CELSR1: variants seen among roughly 807,000 people sequenced by gnomAD.
CELSR1 encodes cadherin EGF LAG seven-pass G-type receptor 1.
CELSR1 carries 110 observed loss-of-function variants against 249.1 expected under a neutral mutation model. That is an observed-to-expected ratio of 0.44 (90% confidence interval 0.38 to 0.52). The LOEUF is 0.52. Ranked by LOEUF, CELSR1 falls within the 20% of genes least tolerant of loss-of-function variation. The pLI is 0.00. For missense variants in CELSR1, 4,109 were observed against 4,296.4 expected, an observed-to-expected ratio of 0.96 and a Z score of 1.22; for synonymous variants, 2,113 against 1,900.0, an observed-to-expected ratio of 1.11 and a Z score of -2.92.
At position 46,380,729 on chromosome 22, in the gene CELSR1, C is replaced by T. The variant is rs941668742; in HGVS notation, c.7256+59G>A. 6.3e-6 allele frequency: 10 copies of T among 1,582,866 alleles called. No homozygotes were observed. In the African/African-American group the frequency reaches 1.3e-4, roughly 21 times the overall value. On this transcript the variant is annotated intron_variant, in intron 22 of 34. Coordinates refer to ENST00000674500, the MANE Select transcript of CELSR1 (RefSeq NM_001378328.1). This position sits in a 1 kb window ranked among gnomAD's most constrained non-coding sequence, Gnocchi z 5.1. The stretch of plus-strand genomic sequence containing the variant: ...GCGCTCTGCCACTGAGCCCCCGACC[C>T]TGCGGGGGCACTCTGCCTTGGCAAA...
intron 1 of CELSR1, chr22:46,481,776 T>G: frequency 2.5e-6 from 1 of 399,628 alleles, no homozygotes; most frequent in South Asian, 4.0e-5. Context: ...ATTTGAACTT[T>G]TCTAAATCTT....
In CELSR1 at chr22:46,374,695, TCCC is replaced by T. The variant is rs1308895920; in HGVS notation, c.7585-1641_7585-1639del. Among the ~76,000 whole-genome samples, 1 of 152,032 alleles carries T rather than the reference TCCC, an allele frequency of 6.6e-6. No homozygotes were observed. The highest frequency in any genetic ancestry group is 2.4e-5 in the African/African-American group (1 of 41,380). On this transcript the variant is annotated intron_variant, in intron 24 of 34. Coordinates refer to ENST00000674500, the MANE Select transcript of CELSR1 (RefSeq NM_001378328.1). The surrounding 1 kb of genome is among the most constrained non-coding windows in gnomAD (Gnocchi z 4.3). ...GGAGTGGCCTGCACCGACTCCCCTCTCCCCCATTCACGCCACTCAAAAGCACAC... is the reference window on the plus strand; with the variant it reads ...GGAGTGGCCTGCACCGACTCCCCTCTCCATTCACGCCACTCAAAAGCACAC...
Position 46,401,704 on chromosome 22 carries a change from C to A in CELSR1, c.5227-1802G>T, listed in dbSNP as rs747414845. Reference sequence around the variant, plus strand: ...ATTAAAAACTGGGGTTCATGGACTGCCAAGGGTTGTTCCTTGGCTTCTGGT... The same window carrying A: ...ATTAAAAACTGGGGTTCATGGACTGACAAGGGTTGTTCCTTGGCTTCTGGT... On this transcript the variant is annotated intron_variant, in intron 9 of 34. Transcript: ENST00000674500. This position sits in a 1 kb window ranked among gnomAD's most constrained non-coding sequence, Gnocchi z 4.7. 1.2e-4 allele frequency among the ~76,000 whole-genome samples: 18 copies of A among 152,168 alleles called. No homozygotes were observed. Among genetic ancestry groups the A allele is most frequent in the Non-Finnish European group, 2.6e-4 (18 of 68,034 alleles).
At chr22:46,503,431 T>G (rs921959949) in intron 1 of CELSR1, among the ~76,000 whole-genome samples, 5 of 152,138 alleles carry the variant, frequency 3.3e-5, no homozygotes, top group Admixed American at 6.5e-5. Context: ...CCCATGGTGG[T>G]GAGGACACAG....
rs5768797 is a variant in CELSR1 at position 46,468,926 on chromosome 22, G to A, written c.3545-4581C>T. Among the ~76,000 whole-genome samples, 72,565 of 151,554 alleles carry A rather than the reference G, an allele frequency of 0.48. 17,577 individuals are homozygous for A. Among genetic ancestry groups the A allele is most frequent in the African/African-American group, 0.54 (22,289 of 41,294 alleles). ...CCTGTCTCTACTAAAAATACAAAAA[G>A]CTAGTTGGGCGTGGTGGCACGTGCC... On this transcript the variant is annotated intron_variant, in intron 1 of 34. Coordinates refer to ENST00000674500, the MANE Select transcript of CELSR1 (RefSeq NM_001378328.1). The surrounding 1 kb of genome is among the most constrained non-coding windows in gnomAD (Gnocchi z 4.5).
At chr22:46,456,530 G>A (rs911339963) in intron 2 of CELSR1, among the ~76,000 whole-genome samples, 1 of 151,948 alleles carries the variant, frequency 6.6e-6, no homozygotes, top group Admixed American at 6.6e-5. Context: ...AGGCGTGGTG[G>A]TGGGCACCTG....
Position 46,473,162 on chromosome 22 carries a change from G to T in CELSR1, c.3545-8817C>A, listed in dbSNP as rs3788705. Among the ~76,000 whole-genome samples, 61,394 of 151,766 alleles carry T rather than the reference G, an allele frequency of 0.4. 12,597 individuals carry two copies. The highest frequency in any genetic ancestry group is 0.56 in the East Asian group (2,893 of 5,128). On this transcript the variant is annotated intron_variant, in intron 1 of 34. Transcript: ENST00000674500. The surrounding 1 kb of genome is among the most constrained non-coding windows in gnomAD (Gnocchi z 6.6). ...GCTGAAGGAGAAATGTCCGCAGAGG[G>T]GTGGACAGGACCCACGCACCACGAG...
At position 46,372,937 on chromosome 22, in the gene CELSR1, C is replaced by T. The variant is rs776128057; in HGVS notation, c.7705G>A (p.Gly2569Arg). ...ACGACGTAGTAGAACCGCATGGGCC[C>T]CGTGTCGATGTTGCGCACCTCGGTC... is the stretch of plus-strand genomic sequence containing the variant. ...MLTEVRNIDT[G>R]PMRFYYVVGW... is the part of the protein sequence containing the mutation. The change falls in exon 25 of 35, where the codon GGG becomes AGG. Residue 2569 changes from glycine to arginine, a missense_variant. Physicochemically the swap from Gly to Arg is moderately radical, Grantham distance 125. Coordinates refer to ENST00000674500, the MANE Select transcript of CELSR1 (RefSeq NM_001378328.1). 1 of 1,613,316 alleles carries T rather than the reference C, an allele frequency of 6.2e-7. No homozygotes were observed. Among genetic ancestry groups the T allele is most frequent in the Non-Finnish European group, 8.5e-7 (1 of 1,179,840 alleles).
chr22:46,432,492 C>A (rs2079607678), intron 5 of CELSR1, among the ~76,000 whole-genome samples: 1 of 152,204 alleles, frequency 6.6e-6, no homozygotes, highest in Admixed American at 6.5e-5. Flanking sequence ...GCCGGTAAGA[C>A]CCACGCAGAC....
At chr22:46,400,722 C>T (rs1421907754) in intron 9 of CELSR1, among the ~76,000 whole-genome samples, 1 of 152,044 alleles carries the variant, frequency 6.6e-6, no homozygotes, top group Non-Finnish European at 1.5e-5. Context: ...GAAGCCAAGG[C>T]GGGTGGATTG....
Position 46,399,899 on chromosome 22 carries a change from G to C in CELSR1, c.5230C>G (p.Leu1744Val), listed in dbSNP as rs769489604. The stretch of plus-strand genomic sequence containing the variant: ...ACCTCAAACTGGAGGTAGTTGTTCA[G>C]GATCTGGAGCAGGGAGAGCCACACC... ...GGPTSFRLQI[L>V]NNYLQFEVSH... The change falls in exon 10 of 35, where the codon CTG (leucine) becomes GTG (valine). Residue 1744 changes from leucine to valine, a missense_variant. Around this residue, in one of 7 missense-constraint regions of CELSR1, gnomAD observed 1,805 missense variants for 1,831.6 expected, o/e 0.99. Transcript: ENST00000674500. This position sits in a 1 kb window ranked among gnomAD's most constrained non-coding sequence, Gnocchi z 5.0. 6.2e-7 allele frequency: 1 copy of C among 1,614,066 alleles called. No individual in the cohort carries two copies. The highest frequency in any genetic ancestry group is 8.5e-7 in the Non-Finnish European group (1 of 1,179,930).
intron 5 of CELSR1, among the ~76,000 whole-genome samples, chr22:46,416,508 G>A (rs901454495): frequency 1.3e-5 from 2 of 152,186 alleles, no homozygotes; most frequent in African/African-American, 2.4e-5. Context: ...CACAGTGACT[G>A]GAGACAGCAG....
chr22:46,537,106 G>A lies in CELSR1; in HGVS notation c.65C>T (p.Pro22Leu). 9.6e-7 allele frequency: 1 copy of A among 1,039,470 alleles called. No homozygotes were observed. The highest frequency in any genetic ancestry group is 1.2e-6 in the Non-Finnish European group (1 of 868,268). 64.4% of individuals were successfully genotyped at this position (1,039,470 alleles called of 1,614,324 possible). The change falls in exon 1 of 35, where the codon CCG becomes CTG. Residue 22 changes from proline to leucine, a missense_variant. Pro to Leu is a moderately conservative substitution (Grantham distance 98, BLOSUM62 -3). Around this residue, in one of 7 missense-constraint regions of CELSR1, gnomAD observed 673 missense variants for 636.8 expected, o/e 1.06. Coordinates refer to ENST00000674500, the MANE Select transcript of CELSR1 (RefSeq NM_001378328.1). This position sits in a 1 kb window ranked among gnomAD's most constrained non-coding sequence, Gnocchi z 5.8. ...GGCGGCCGCTCGCAGCCCCATCGCC[G>A]GCAGGGCGGCGGCGGCGGCCAGGAG... The part of the protein sequence containing the change: ...LLLLAAAAAL[P>L]AMGLRAAAWE...
chr22:46,456,686 AAG>A (rs1268927679), intron 2 of CELSR1, among the ~76,000 whole-genome samples: 3 of 148,322 alleles, frequency 2.0e-5, no homozygotes, highest in Non-Finnish European at 3.0e-5. Context: ...AAAAAAAAAA[AAG>A]AGAACCCAAA....
intron 1 of CELSR1, among the ~76,000 whole-genome samples, chr22:46,499,671 C>A (rs1192215723): frequency 6.6e-6 from 1 of 152,162 alleles, no homozygotes; most frequent in Non-Finnish European, 1.5e-5. Context: ...CCCCATCTGT[C>A]CCTACCACAG....
At position 46,536,989 on chromosome 22, in the gene CELSR1, G is replaced by A. The variant is rs781426280; in HGVS notation, c.182C>T (p.Pro61Leu). The A allele has an allele frequency of 1.5e-5, 17 of 1,119,288 alleles. No individual in the cohort carries two copies. In the Admixed American group the frequency reaches 5.0e-4, roughly 33 times the overall value. The allele number at this position is 1,119,288 out of a possible 1,614,324, so 69.3% of individuals were successfully genotyped here. The change falls in exon 1 of 35, where the codon CCG becomes CTG. Residue 61 changes from proline (P) to leucine (L), a missense_variant. Physicochemically the swap from Pro to Leu is moderately conservative, Grantham distance 98 (BLOSUM62 -3). This residue lies in a region of CELSR1 where 673 missense variants were observed against 636.8 expected (regional missense o/e 1.06). Transcript: ENST00000674500. ...GCGGCCCACGTCCAGCAGCTCCCGCGGCGCCCGGGGCGTGCAAGCGGCGCC... is the reference window on the plus strand; with the variant it reads ...GCGGCCCACGTCCAGCAGCTCCCGCAGCGCCCGGGGCGTGCAAGCGGCGCC... ...AVGAACTPRA[P>L]RELLDVGRDG...
rs770201761 is a variant in CELSR1 at position 46,397,793 on chromosome 22, G to A, written c.5582C>T (p.Ala1861Val). 1.2e-6 allele frequency: 2 copies of A among 1,603,748 alleles called. No homozygotes were observed. The highest frequency in any genetic ancestry group is 3.4e-5 in the Admixed American group (2 of 59,196). The change falls in exon 12 of 35, where the codon GCA becomes GTA. Residue 1861 changes from alanine to valine, a missense_variant. Ala to Val is a moderately conservative substitution (Grantham distance 64). Coordinates refer to ENST00000674500, the MANE Select transcript of CELSR1 (RefSeq NM_001378328.1). ...TNVATLNMNN[A>V]LKVRVKDGCD... ...GCCGTCCTTCACCCTGACCTTGAGTGCGTTGTTCATGTTCAGGGTGGCGAC... is the reference window on the plus strand; with the variant it reads ...GCCGTCCTTCACCCTGACCTTGAGTACGTTGTTCATGTTCAGGGTGGCGAC...
rs2080151442 is a variant in CELSR1 at position 46,471,125 on chromosome 22, A to C, written c.3545-6780T>G. On this transcript the variant is annotated intron_variant, in intron 1 of 34. Transcript: ENST00000674500. This position sits in a 1 kb window ranked among gnomAD's most constrained non-coding sequence, Gnocchi z 4.9. ...GGGCGACAGAGTGAGACTCCACCTC[A>C]AAAAAACAACAACAAAAAAGGAAGG... 2.0e-5 allele frequency among the ~76,000 whole-genome samples: 3 copies of C among 152,090 alleles called. No homozygotes were observed. The highest frequency in any genetic ancestry group is 2.0e-4 in the Admixed American group (3 of 15,246).
intron 27 of CELSR1, among the ~76,000 whole-genome samples, chr22:46,368,908 G>A (rs2078818232): frequency 6.6e-6 from 1 of 151,930 alleles, no homozygotes; most frequent in African/African-American, 2.4e-5. Flanking sequence ...ATACTTCTGT[G>A]CCAGGCGGGA....
Sources: allele counts gnomAD v4.1 joint callset (sites outside exome capture counted in the v4.1 genomes callset), GRCh38; gene constraint gnomAD v4.1.1; regional missense constraint gnomAD v4.1.1; non-coding constraint Gnocchi (gnomAD v3.1); transcripts MANE v1.5; gene names NCBI Gene and HGNC (gene_info 2026-07-23, HGNC 2026-07-21).